The following POLQ variants were observed in gnomAD, a reference collection of about 807,000 sequenced individuals.
The protein encoded by POLQ is epididymis secretory sperm binding protein.
POLQ carries 233 observed loss-of-function variants against 259.2 expected under a neutral mutation model. That is an observed-to-expected ratio of 0.90 (90% CI 0.81 to 1.00). The LOEUF is 1.00. POLQ is among the 50% of genes least tolerant of loss of function. POLQ has a pLI of 0.00. For missense variants in POLQ, 2,871 were observed against 3,051.6 expected (o/e 0.94, Z 1.39); for synonymous variants, 1,025 against 1,048.8 (o/e 0.98, Z 0.44).
chr3:121,498,293 A>G (rs2048140159), intron 13 of POLQ, among the ~76,000 whole-genome samples, 184 bp downstream of exon 13: 1 of 152,056 alleles, frequency 6.6e-6, no homozygotes. Context: ...CTGGGCAACA[A>G]GAACAAAACT....
At chr3:121,458,078 C>T (rs1371209853) in intron 25 of POLQ, among the ~76,000 whole-genome samples, 1 of 152,124 alleles carries the variant, frequency 6.6e-6, no homozygotes, top group Admixed American at 6.6e-5. Context: ...AGTTCATGTC[C>T]TTTGTAGGGA....
intron 19 of POLQ, among the ~76,000 whole-genome samples, chr3:121,480,892 T>A (rs2047965120): frequency 6.6e-6 from 1 of 152,168 alleles, no homozygotes; most frequent in Non-Finnish European, 1.5e-5. Flanking sequence ...TATTTTCTAG[T>A]ACCTATTGAT....
At chr3:121,513,321 C>T (rs973424401) in intron 9 of POLQ, among the ~76,000 whole-genome samples, 5 of 151,840 alleles carry the variant, frequency 3.3e-5, no homozygotes, top group African/African-American at 1.2e-4. Flanking sequence ...AAAAGCAAAA[C>T]AGCCAGGCGC....
At chr3:121,482,788 A>G (rs1219839138) in intron 18 of POLQ, among the ~76,000 whole-genome samples, 1 of 152,202 alleles carries the variant, frequency 6.6e-6, no homozygotes, top group Non-Finnish European at 1.5e-5. Flanking sequence ...ATATGACTCA[A>G]TTCTTTCTTT....
At chr3:121,528,269 C>T (rs1190349584) in intron 7 of POLQ, among the ~76,000 whole-genome samples, 1 of 149,576 alleles carries the variant, frequency 6.7e-6, no homozygotes, top group African/African-American at 2.5e-5. Context: ...TTACAGGTAC[C>T]CGACATCACA....
In POLQ at chr3:121,468,974, T is replaced by A. The variant is rs199909969; in HGVS notation, c.6719-543A>T. Among the ~76,000 whole-genome samples the A allele has an allele frequency of 2.2e-4, 34 of 152,148 alleles. No individual in the cohort carries two copies. The East Asian group carries it at 4.4e-3, about 20-fold the overall frequency. ...TTCCAGTGAACAGAAAGCTGTTTTTTAAAAAAATGCTTATAAGCCTGGCCA... is the reference window on the plus strand; with the variant it reads ...TTCCAGTGAACAGAAAGCTGTTTTTAAAAAAAATGCTTATAAGCCTGGCCA... On this transcript the variant is annotated intron_variant, in intron 22 of 29. Transcript: ENST00000264233.
chr3:121,545,358 C>G (rs2048524230), intron 1 of POLQ, among the ~76,000 whole-genome samples: 1 of 152,214 alleles, frequency 6.6e-6, no homozygotes, highest in African/African-American at 2.4e-5. Flanking sequence ...GGACGCCGAA[C>G]AGCCTGTGCC....
At chr3:121,454,683 C>T (rs2047715668) in intron 25 of POLQ, among the ~76,000 whole-genome samples, 1 of 152,168 alleles carries the variant, frequency 6.6e-6, no homozygotes, top group South Asian at 2.1e-4. Flanking sequence ...GAAGAGCTAA[C>T]TATCCTAAAC....
chr3:121,509,791 C>A (rs1177532093), intron 11 of POLQ, 88 bp from the exon 12 acceptor site: 22 of 1,308,710 alleles, frequency 1.7e-5, no homozygotes, highest in Non-Finnish European at 2.3e-5. Flanking sequence ...TCCATGCTAA[C>A]CCTCCCGGCT....
rs769809819 is a variant in POLQ, at chr3:121,489,461, T to G, written c.3470A>C (p.Lys1157Thr). ...TCQATSVVSE[K>T]GRGVAVEAEK... ...TGCCTCAACAGCTACTCCTCTGCCC[T>G]TTTCACTAACCACACTAGTGGCCTG... The change falls in exon 16 of 30, where the codon AAG (lysine) becomes ACG (threonine). Residue 1157 changes from lysine (K) to threonine (T), a missense_variant. This residue lies in a region of POLQ where 2,080 missense variants were observed against 2,126.0 expected (regional missense o/e 0.98). Transcript: ENST00000264233. 5 of 1,614,000 alleles carry G rather than the reference T, an allele frequency of 3.1e-6. No homozygotes were observed. The South Asian group carries it at 5.5e-5, about 18-fold the overall frequency.
Position 121,440,064 on chromosome 3 carries a change from A to T in POLQ, c.7317T>A (p.Phe2439Leu). Reference protein sequence around the residue: ...ETVKNCKRDGFVQTILGRRRY... With the variant: ...ETVKNCKRDGLVQTILGRRRY... ...TACGCCTTCCCAAAATGGTCTGAAC[A>T]AATCCGTCTCTTTTACAATTCTTCA... The change falls in exon 27 of 30, where the codon TTT becomes TTA. Residue 2439 changes from phenylalanine to leucine, a missense_variant. Phe to Leu is a conservative substitution (Grantham distance 22, BLOSUM62 0). This residue lies in a region of POLQ where 2,080 missense variants were observed against 2,126.0 expected (regional missense o/e 0.98). Coordinates refer to ENST00000264233, the MANE Select transcript of POLQ (RefSeq NM_199420.4). 2 of 1,610,610 alleles carry T rather than the reference A, an allele frequency of 1.2e-6. No homozygotes were observed. The highest frequency in any genetic ancestry group is 2.2e-5 in the South Asian group (2 of 91,012).
chr3:121,491,777 A>C (rs1054188900), intron 15 of POLQ, among the ~76,000 whole-genome samples: 4 of 152,118 alleles, frequency 2.6e-5, no homozygotes, highest in African/African-American at 9.7e-5. Flanking sequence ...GCCAGTTAAA[A>C]GTCTAAACCA....
At chr3:121,471,551 G>C (rs1257681484) in intron 22 of POLQ, among the ~76,000 whole-genome samples, 2 of 152,068 alleles carry the variant, frequency 1.3e-5, no homozygotes, top group Non-Finnish European at 2.9e-5. Flanking sequence ...AGACCAGCCT[G>C]ATCAATGTGA....
intron 12 of POLQ, among the ~76,000 whole-genome samples, chr3:121,507,367 A>C (rs2048216901): frequency 6.6e-6 from 1 of 152,210 alleles, no homozygotes; most frequent in Admixed American, 6.5e-5. Flanking sequence ...GGCTTTCTTA[A>C]ACCATAACCA....
In POLQ at chr3:121,470,864, G is replaced by A. The variant is rs2108789421; in HGVS notation, c.6718+1126C>T. Among the ~76,000 whole-genome samples, 4 of 152,224 alleles carry A rather than the reference G, an allele frequency of 2.6e-5. No homozygotes were observed. The South Asian group carries it at 8.3e-4, about 32-fold the overall frequency. On this transcript the variant is annotated intron_variant, in intron 22 of 29. Coordinates refer to ENST00000264233, the MANE Select transcript of POLQ (RefSeq NM_199420.4). ...TGCCCAGGCTAGTCTCAAACTCCTG[G>A]GCTCAAGTGACCCTCCCATCTTGGC...
At chr3:121,541,328 A>G in intron 3 of POLQ, 21 bp downstream of exon 3, 1 of 1,558,896 alleles carries the variant, frequency 6.4e-7, no homozygotes. Context: ...TCACTATTTC[A>G]AACTTAGTAA....
rs1444105056 is a variant in POLQ at position 121,488,861 on chromosome 3, C to T, written c.4070G>A (p.Ser1357Asn). 1.2e-6 allele frequency: 2 copies of T among 1,614,034 alleles called. No homozygotes were observed. Among genetic ancestry groups the T allele is most frequent in the Admixed American group, 1.7e-5 (1 of 60,018 alleles). ...GTTCATTGAGTTCTGTTGGACTAAG[C>T]TCTTCTGCATTATCCCTGCTGCCAG... ...TNLAAGIMQK[S>N]LVQQNSMNSF... The change falls in exon 16 of 30, where the codon AGC (serine) becomes AAC (asparagine). Residue 1357 changes from serine to asparagine, a missense_variant. By Grantham distance (46) the Ser-to-Asn change is conservative. Around this residue, in one of 3 missense-constraint regions of POLQ, gnomAD observed 2,080 missense variants for 2,126.0 expected, o/e 0.98. Transcript: ENST00000264233.
At chr3:121,453,113 G>A (rs1348925339) in intron 25 of POLQ, among the ~76,000 whole-genome samples, 1 of 152,212 alleles carries the variant, frequency 6.6e-6, no homozygotes. Context: ...CACCGCTGTT[G>A]ATATCCAGGC....
At chr3:121,507,815 A>G (rs1022970381) in intron 12 of POLQ, among the ~76,000 whole-genome samples, 2 of 152,196 alleles carry the variant, frequency 1.3e-5, no homozygotes, top group African/African-American at 4.8e-5. Context: ...CTAAATTCCT[A>G]TAACTTTTTC....
Sources: allele counts gnomAD v4.1 joint callset (sites outside exome capture counted in the v4.1 genomes callset), GRCh38; gene constraint gnomAD v4.1.1; regional missense constraint gnomAD v4.1.1; transcripts MANE v1.5; gene names NCBI Gene and HGNC (gene_info 2026-07-23, HGNC 2026-07-21).